PECR: variants seen among roughly 807,000 people sequenced by gnomAD.
PECR encodes the protein peroxisomal trans-2-enoyl-CoA reductase, also known as 2,4-dienoyl-CoA reductase-related protein.
A neutral mutation model predicts 35.3 loss-of-function variants in PECR; 30 were observed. That is an observed-to-expected ratio of 0.85 (90% confidence interval 0.64 to 1.15). The LOEUF (loss-of-function observed/expected upper bound fraction) is 1.15, where lower values mean the gene tolerates loss of function less well. Ranked by LOEUF, PECR falls within the 50% of genes most tolerant of loss-of-function variation. PECR has a pLI of 0.00. For missense variants in PECR, 392 were observed against 370.8 expected (o/e 1.06, Z -0.47); for synonymous variants, 148 against 138.9 (o/e 1.07, Z -0.46).
intron 4 of PECR, among the ~76,000 whole-genome samples, chr2:216,056,365 A>T (rs1695225091): frequency 6.6e-6 from 1 of 152,208 alleles, no homozygotes; most frequent in African/African-American, 2.4e-5. Flanking sequence ...GTGAAATAAA[A>T]TTAGCAAGTA....
intron 6 of PECR, among the ~76,000 whole-genome samples, chr2:216,046,252 TATAG>T (rs1315756673): frequency 3.4e-5 from 5 of 146,498 alleles, no homozygotes; most frequent in Admixed American, 2.7e-4. Flanking sequence ...ATACAGCAAA[TATAG>T]ATAATGTAAA....
intron 1 of PECR, among the ~76,000 whole-genome samples, 158 bp from the exon 2 acceptor site, chr2:216,066,676 T>C (rs1695473008): frequency 6.6e-6 from 1 of 152,218 alleles, no homozygotes; most frequent in African/African-American, 2.4e-5. Context: ...TATCATGTGT[T>C]CCATTTTTTA....
At chr2:216,062,319 T>G (rs932543329) in intron 3 of PECR, among the ~76,000 whole-genome samples, 1 of 152,166 alleles carries the variant, frequency 6.6e-6, no homozygotes, top group Non-Finnish European at 1.5e-5. Context: ...GTGCTGAGAT[T>G]ACAGGCATGA....
intron 7 of PECR, 100 bp downstream of exon 7, chr2:216,043,793 TGTTCTATAAGA>T: frequency 2.9e-6 from 2 of 685,418 alleles, no homozygotes; most frequent in Non-Finnish European, 2.7e-6. Flanking sequence ...TACATTTTGA[TGTTCTATAAGA>T]GAGCACCCTC....
Position 216,043,939 on chromosome 2 carries a change from C to A in PECR, c.791G>T (p.Gly264Val). The A allele has an allele frequency of 6.2e-7, 1 of 1,610,548 alleles. No individual in the cohort carries two copies. Among genetic ancestry groups the A allele is most frequent in the Non-Finnish European group, 8.5e-7 (1 of 1,176,784 alleles). The stretch of plus-strand genomic sequence containing the variant: ...ATACGAGTGAGTATAGAGACTCCGG[C>A]CCCCATCCACATCCACCGACTGTCC... ...ITGQSVDVDGGRSLYTHSYEV... is the reference protein window; with the variant it reads ...ITGQSVDVDGVRSLYTHSYEV... The change falls in exon 7 of 8, where the codon GGC (glycine) becomes GTC (valine). Residue 264 changes from glycine (G) to valine (V), a missense_variant. Physicochemically the swap from Gly to Val is moderately radical, Grantham distance 109. Coordinates refer to ENST00000265322, the MANE Select transcript of PECR (RefSeq NM_018441.6).
downstream of PECR, among the ~76,000 whole-genome samples, chr2:216,034,673 T>A (rs1340057155): frequency 6.6e-6 from 1 of 152,136 alleles, no homozygotes; most frequent in Non-Finnish European, 1.5e-5. Context: ...GAATGAAAAG[T>A]GGCCCGAGAT....
In PECR at chr2:216,081,682, C is replaced by T; in HGVS notation, c.60G>A (p.Val20=). The T allele has an allele frequency of 6.2e-7, 1 of 1,613,750 alleles. No individual in the cohort carries two copies. Among genetic ancestry groups the T allele is most frequent in the Non-Finnish European group, 8.5e-7 (1 of 1,179,974 alleles). Reference sequence around the variant, plus strand: ...CCGTGGCCCCGCCGGTGACGATGGCCACTTGGCCCTGCAGCAAACCAGGCG... The same window carrying T: ...CCGTGGCCCCGCCGGTGACGATGGCTACTTGGCCCTGCAGCAAACCAGGCG... ...YLAPGLLQGQ[V]AIVTGGATGI... The change falls in exon 1 of 8, where the codon GTG becomes GTA. Residue 20 remains valine, a synonymous_variant. Transcript: ENST00000265322.
intron 4 of PECR, among the ~76,000 whole-genome samples, chr2:216,055,056 G>A (rs1695197301): frequency 6.6e-6 from 1 of 150,568 alleles, no homozygotes; most frequent in Admixed American, 6.6e-5. Flanking sequence ...AGGCTGCAGT[G>A]AGCAGAAATT....
chr2:216,049,816 C>T (rs111681515), intron 5 of PECR, among the ~76,000 whole-genome samples: 2 of 152,144 alleles, frequency 1.3e-5, no homozygotes, highest in Non-Finnish European at 2.9e-5. Flanking sequence ...AGATTGAAAT[C>T]GCAAATAAAG....
At chr2:216,046,316 T>A (rs1397835051) in intron 6 of PECR, among the ~76,000 whole-genome samples, 262 of 123,560 alleles carry the variant, frequency 2.1e-3, no homozygotes, top group Non-Finnish European at 3.1e-3. Context: ...ATATATTTTT[T>A]TTTTTTTTTT....
In PECR at chr2:216,044,015, C is replaced by T. The variant is rs1694946938; in HGVS notation, c.715G>A (p.Val239Ile). ...PAKRIGVPEE[V>I]SSVVCFLLSP... ...AGTAGGAAGCAGACCACAGAGGAGA[C>T]CTGGAAACAGAAACACACATGTGCA... The change falls in exon 7 of 8, where the codon GTC becomes ATC. Residue 239 changes from valine to isoleucine, a missense_variant and splice_region_variant. Physicochemically the swap from Val to Ile is conservative, Grantham distance 29. Transcript: ENST00000265322. 1.3e-6 allele frequency: 2 copies of T among 1,551,194 alleles called. No homozygotes were observed. The highest frequency in any genetic ancestry group is 1.1e-5 in the South Asian group (1 of 89,774).
chr2:216,053,891 A>G (rs1474352342), intron 4 of PECR, among the ~76,000 whole-genome samples: 1 of 152,152 alleles, frequency 6.6e-6, no homozygotes, highest in Non-Finnish European at 1.5e-5. Context: ...TTTTTAATCC[A>G]CACTTTTCAA....
At chr2:216,068,044 T>G (rs1432378365) in intron 1 of PECR, among the ~76,000 whole-genome samples, 1 of 151,432 alleles carries the variant, frequency 6.6e-6, no homozygotes, top group East Asian at 2.0e-4. Flanking sequence ...CTGACCAACA[T>G]GGTGAAACCC....
At chr2:216,060,950 A>C (rs1695328154) in intron 3 of PECR, among the ~76,000 whole-genome samples, 1 of 152,030 alleles carries the variant, frequency 6.6e-6, no homozygotes, top group Non-Finnish European at 1.5e-5. Context: ...AAATTTTTAA[A>C]ATCATCATTT....
intron 1 of PECR, among the ~76,000 whole-genome samples, chr2:216,073,752 C>G (rs1038534599): frequency 6.6e-6 from 1 of 152,138 alleles, no homozygotes; most frequent in Non-Finnish European, 1.5e-5. Flanking sequence ...CAGCCTTCAG[C>G]ATAGTAACCT....
chr2:216,077,136 T>G (rs1051511704), intron 1 of PECR, among the ~76,000 whole-genome samples: 1 of 151,916 alleles, frequency 6.6e-6, no homozygotes, highest in African/African-American at 2.4e-5. Context: ...CAACCTCAGG[T>G]GGCCGCCCAC....
intron 7 of PECR, among the ~76,000 whole-genome samples, chr2:216,032,000 T>C (rs1694718182): frequency 6.6e-6 from 1 of 152,266 alleles, no homozygotes; most frequent in African/African-American, 2.4e-5. Context: ...GTTCCTCTCT[T>C]CTTGGTTCAT....
chr2:216,078,198 G>A (rs949225333), intron 1 of PECR, among the ~76,000 whole-genome samples: 7 of 152,112 alleles, frequency 4.6e-5, no homozygotes, highest in African/African-American at 1.4e-4. Context: ...CTAGCACTTA[G>A]GGAGGCTGAG....
At chr2:216,049,764 G>A (rs976785494) in intron 5 of PECR, among the ~76,000 whole-genome samples, 1 of 152,224 alleles carries the variant, frequency 6.6e-6, no homozygotes, top group Non-Finnish European at 1.5e-5. Context: ...CAATGGCTAC[G>A]TGAGACTTAG....
Sources: allele counts gnomAD v4.1 joint callset (sites outside exome capture counted in the v4.1 genomes callset), GRCh38; gene constraint gnomAD v4.1.1; transcripts MANE v1.5; gene names NCBI Gene and HGNC (gene_info 2026-07-23, HGNC 2026-07-21).